COL4A3: variants seen among roughly 807,000 people sequenced by gnomAD.
The protein encoded by COL4A3 is collagen type IV alpha 3 chain.
Under a neutral mutation model 217.4 loss-of-function variants are expected in COL4A3, and 135 were observed. The ratio of observed to expected loss-of-function variants is 0.62; its 90% confidence interval spans 0.54 to 0.72. The LOEUF is 0.72. Ranked by LOEUF, COL4A3 falls within the 30% of genes least tolerant of loss-of-function variation. The pLI is 0.00. For synonymous variants in COL4A3, 690 were observed against 736.3 expected (o/e 0.94, Z 1.02); for missense variants, 1,868 against 2,119.9 (o/e 0.88, Z 2.33).
At chr2:227,300,806 G>A (rs370665914) in intron 43 of COL4A3, among the ~76,000 whole-genome samples, 1 of 152,178 alleles carries the variant, frequency 6.6e-6, no homozygotes, top group South Asian at 2.1e-4. Context: ...AAGGTGTTCA[G>A]GAAAGGTCCC....
At position 227,297,661 on chromosome 2, in the gene COL4A3, T is replaced by G. The variant is rs140897238; in HGVS notation, c.3566-13T>G. The G allele has an allele frequency of 4.4e-6, 7 of 1,601,294 alleles. No homozygotes were observed. The highest frequency in any genetic ancestry group is 1.9e-4 in the Middle Eastern group (1 of 5,292). On this transcript the variant is annotated splice_polypyrimidine_tract_variant and intron_variant, in intron 41 of 51. Coordinates refer to ENST00000396578, the MANE Select transcript of COL4A3 (RefSeq NM_000091.5). ...GGGCATTAAAGAAACTTATTAAGCCTTCTTCTTTGCAGGAGCCAAAGGAGA... is the reference window on the plus strand; with the variant it reads ...GGGCATTAAAGAAACTTATTAAGCCGTCTTCTTTGCAGGAGCCAAAGGAGA...
chr2:227,254,675 A>T lies in COL4A3; in HGVS notation c.848A>T (p.Tyr283Phe), dbSNP rs1236660987. 13 of 1,613,212 alleles carry T rather than the reference A, an allele frequency of 8.1e-6. No homozygotes were observed. In the South Asian group the frequency reaches 1.4e-4, roughly 18 times the overall value. ...PGPSGLPGES[Y>F]GSEKGAPGDP... ...ATACAGGGACTGCCTGGAGAATCAT[A>T]TGGATCTGAAAAGGGTGCTCCTGGA... The change falls in exon 15 of 52, where the codon TAT becomes TTT. Residue 283 changes from tyrosine (Y) to phenylalanine (F), a missense_variant. Tyr to Phe is a conservative substitution (Grantham distance 22). Coordinates refer to ENST00000396578, the MANE Select transcript of COL4A3 (RefSeq NM_000091.5).
chr2:227,283,236 G>A (rs774112258), intron 32 of COL4A3, among the ~76,000 whole-genome samples: 1 of 152,030 alleles, frequency 6.6e-6, no homozygotes, highest in Admixed American at 6.6e-5. Flanking sequence ...GTTCCCTCAT[G>A]GCATAAGGAC....
Position 227,282,511 on chromosome 2 carries a change from C to T in COL4A3, c.2635C>T (p.Pro879Ser). The change falls in exon 32 of 52, where the codon CCG (proline) becomes TCG (serine). Residue 879 changes from proline (P) to serine (S), a missense_variant. Physicochemically the swap from Pro to Ser is moderately conservative, Grantham distance 74. This residue lies in a region of COL4A3 where 1,503 missense variants were observed against 1,786.1 expected (regional missense o/e 0.84). Coordinates refer to ENST00000396578, the MANE Select transcript of COL4A3 (RefSeq NM_000091.5). This position sits in a 1 kb window ranked among gnomAD's most constrained non-coding sequence, Gnocchi z 4.4. ...PLGQRGYPGN[P>S]GILGPPGEDG... Reference sequence around the variant, plus strand: ...GGGTCAAAGAGGATATCCAGGAAATCCGGGAATTTTAGGGCCACCAGGTAT... The same window carrying T: ...GGGTCAAAGAGGATATCCAGGAAATTCGGGAATTTTAGGGCCACCAGGTAT... 1.9e-6 allele frequency: 3 copies of T among 1,613,614 alleles called. No homozygotes were observed. Among genetic ancestry groups the T allele is most frequent in the Non-Finnish European group, 2.5e-6 (3 of 1,179,860 alleles).
At chr2:227,199,868 G>A (rs528575429) in intron 1 of COL4A3, among the ~76,000 whole-genome samples, 4 of 152,294 alleles carry the variant, frequency 2.6e-5, no homozygotes, top group African/African-American at 9.6e-5. Flanking sequence ...TCCGAAGGAT[G>A]GATCGTGCCT....
intron 15 of COL4A3, among the ~76,000 whole-genome samples, chr2:227,255,784 T>C (rs2070126357): frequency 6.6e-6 from 1 of 152,194 alleles, no homozygotes; most frequent in African/African-American, 2.4e-5. Context: ...TTAATGTCCT[T>C]CCTTCCTTCT....
chr2:227,218,435 C>A (rs2125812365), intron 1 of COL4A3, among the ~76,000 whole-genome samples: 1 of 152,116 alleles, frequency 6.6e-6, no homozygotes, highest in African/African-American at 2.4e-5. Flanking sequence ...CACTGCACTC[C>A]AGCCTGGGTG....
At position 227,253,471 on chromosome 2, in the gene COL4A3, A is replaced by G. The variant is rs779722668; in HGVS notation, c.688-90A>G. On this transcript the variant is annotated intron_variant, in intron 12 of 51. Coordinates refer to ENST00000396578, the MANE Select transcript of COL4A3 (RefSeq NM_000091.5). The surrounding 1 kb of genome is among the most constrained non-coding windows in gnomAD (Gnocchi z 4.4). ...TGTTCTATCTTCCCGTATAAGCACTAAAGGGGAAAAGTAGACCTTTCAAAC... is the reference window on the plus strand; with the variant it reads ...TGTTCTATCTTCCCGTATAAGCACTGAAGGGGAAAAGTAGACCTTTCAAAC... The G allele has an allele frequency of 3.0e-5, 42 of 1,414,694 alleles. No individual in the cohort carries two copies. Among genetic ancestry groups the G allele is most frequent in the Admixed American group, 8.4e-5 (5 of 59,772 alleles). The allele number at this position is 1,414,694 out of a possible 1,614,324, so 87.6% of individuals were successfully genotyped here. A position where few individuals can be genotyped will look rare whatever the true frequency, so the allele number is the denominator to read the frequency against.
At chr2:227,243,192 T>C (rs2069125767) in intron 3 of COL4A3, among the ~76,000 whole-genome samples, 1 of 152,216 alleles carries the variant, frequency 6.6e-6, no homozygotes, top group Non-Finnish European at 1.5e-5. Flanking sequence ...ATGGGTTACA[T>C]GAGTGCAGGC....
chr2:227,193,819 G>A (rs2066349110), intron 1 of COL4A3, among the ~76,000 whole-genome samples: 1 of 56,864 alleles, frequency 1.8e-5, no homozygotes. Flanking sequence ...GGGAGGGAAG[G>A]AAAGGAAGGA....
chr2:227,197,311 G>A (rs2066520270), intron 1 of COL4A3, among the ~76,000 whole-genome samples: 1 of 152,016 alleles, frequency 6.6e-6, no homozygotes, highest in Non-Finnish European at 1.5e-5. Flanking sequence ...CCACCTCCCT[G>A]GGTTTAAGCA....
At chr2:227,211,335 T>C (rs2067314239) in intron 1 of COL4A3, among the ~76,000 whole-genome samples, 1 of 152,230 alleles carries the variant, frequency 6.6e-6, no homozygotes, top group Non-Finnish European at 1.5e-5. Context: ...CACTGCTGTA[T>C]AACATCCCAT....
At chr2:227,227,371 T>G (rs1166854085) in intron 1 of COL4A3, among the ~76,000 whole-genome samples, 1 of 151,890 alleles carries the variant, frequency 6.6e-6, no homozygotes, top group Non-Finnish European at 1.5e-5. Flanking sequence ...CCGAGGTGGG[T>G]GGATCACTTG....
At chr2:227,221,099 C>G (rs1346041141) in intron 1 of COL4A3, 2 of 152,228 alleles carry the variant, frequency 1.3e-5, no homozygotes, top group Non-Finnish European at 2.9e-5. Flanking sequence ...CATCACCCCT[C>G]TTTGTTTTAC....
intron 15 of COL4A3, among the ~76,000 whole-genome samples, chr2:227,255,716 T>C (rs567857363): frequency 3.3e-5 from 5 of 152,112 alleles, no homozygotes; most frequent in Non-Finnish European, 7.4e-5. Flanking sequence ...TGTGTGTGTT[T>C]TTTTTTTCCC....
At chr2:227,222,237 G>GCCC (rs1384305899) in intron 1 of COL4A3, 1 of 151,724 alleles carries the variant, frequency 6.6e-6, no homozygotes, top group East Asian at 1.9e-4. Flanking sequence ...CAGTCCTTCA[G>GCCC]CCCCCTGCCC....
At chr2:227,217,852 C>T (rs1269759625) in intron 1 of COL4A3, among the ~76,000 whole-genome samples, 5 of 151,958 alleles carry the variant, frequency 3.3e-5, no homozygotes, top group Admixed American at 1.3e-4. Flanking sequence ...AATTTGGAGG[C>T]CTTACAGTTA....
rs868334526 is a variant in COL4A3, at chr2:227,203,156, T to C, written c.88-34812T>C. On this transcript the variant is annotated intron_variant, in intron 1 of 51. Coordinates refer to ENST00000396578, the MANE Select transcript of COL4A3 (RefSeq NM_000091.5). ...ATATATGTGTATATATGTGTATATA[T>C]ACATATATGTGTATATATGTGTATA... Among the ~76,000 whole-genome samples, 4 of 33,092 alleles carry C rather than the reference T, an allele frequency of 1.2e-4. 1 individual carries two copies. Among genetic ancestry groups the C allele is most frequent in the Non-Finnish European group, 2.1e-4 (4 of 19,050 alleles). 21.7% of individuals were successfully genotyped at this position (33,092 alleles called of 152,430 possible).
At chr2:227,167,609 C>G (rs1428806674) in intron 1 of COL4A3, among the ~76,000 whole-genome samples, 1 of 152,220 alleles carries the variant, frequency 6.6e-6, no homozygotes, top group Non-Finnish European at 1.5e-5. Context: ...ATATGAGAAG[C>G]AAATGTCAAA....
Sources: allele counts gnomAD v4.1 joint callset (sites outside exome capture counted in the v4.1 genomes callset), GRCh38; gene constraint gnomAD v4.1.1; regional missense constraint gnomAD v4.1.1; non-coding constraint Gnocchi (gnomAD v3.1); transcripts MANE v1.5; gene names NCBI Gene and HGNC (gene_info 2026-07-23, HGNC 2026-07-21).